SLC71A2: variants seen among roughly 807,000 people sequenced by gnomAD.
SLC71A2 encodes hippocampus abundant transcript-like 1.
At chr9:94,399,875 G>T in the SLC71A2 span, among the ~76,000 whole-genome samples, 2 of 150,830 alleles carry the variant, frequency 1.3e-5, no homozygotes, top group African/African-American at 4.9e-5. Flanking sequence ...GTGCGATCTC[G>T]GCTCACTACA....
chr9:94,440,190 G>C, the SLC71A2 span, among the ~76,000 whole-genome samples: 1 of 150,870 alleles, frequency 6.6e-6, no homozygotes, highest in Admixed American at 6.6e-5. Flanking sequence ...GTCTCTCTCT[G>C]TCGCCCAGGC....
chr9:94,398,608 C>T, the SLC71A2 span, among the ~76,000 whole-genome samples: 1 of 151,488 alleles, frequency 6.6e-6, no homozygotes, highest in Non-Finnish European at 1.5e-5. Context: ...TTGGGAGTTC[C>T]TTCACACCCC....
At chr9:94,424,664 A>G in the SLC71A2 span, among the ~76,000 whole-genome samples, 5 of 151,224 alleles carry the variant, frequency 3.3e-5, no homozygotes, top group East Asian at 9.7e-4. Context: ...ATCTGCTAAG[A>G]ATTTTTATTA....
the SLC71A2 span, among the ~76,000 whole-genome samples, chr9:94,442,542 C>T: frequency 6.6e-6 from 1 of 152,088 alleles, no homozygotes; most frequent in Non-Finnish European, 1.5e-5. Flanking sequence ...ATTTGGAGCT[C>T]ACTCAGGAAC....
At chr9:94,376,449 G>A in the SLC71A2 span, among the ~76,000 whole-genome samples, 3 of 151,944 alleles carry the variant, frequency 2.0e-5, no homozygotes, top group Non-Finnish European at 2.9e-5. Flanking sequence ...ACGTGGCTGA[G>A]TAGTGTGTTC....
the SLC71A2 span, among the ~76,000 whole-genome samples, chr9:94,398,043 A>G: frequency 0.69 from 103,175 of 149,716 alleles, 35,947 homozygotes; most frequent in Middle Eastern, 0.76. Flanking sequence ...AAATTATTTG[A>G]AATTCCTCTG....
chr9:94,407,081 GA>G, the SLC71A2 span, among the ~76,000 whole-genome samples: 2 of 151,030 alleles, frequency 1.3e-5, no homozygotes, highest in East Asian at 3.9e-4. Flanking sequence ...TATTATTTGA[GA>G]TAATTTTATT....
At chr9:94,459,284 A>G in the SLC71A2 span, 1 of 1,614,200 alleles carries the variant, frequency 6.2e-7, no homozygotes, top group Non-Finnish European at 8.5e-7. Flanking sequence ...CAGTAACAGC[A>G]GCAGCGGCAG....
the SLC71A2 span, among the ~76,000 whole-genome samples, chr9:94,441,384 A>C: frequency 3.3e-5 from 5 of 152,152 alleles, no homozygotes; most frequent in African/African-American, 1.2e-4. Context: ...CAGGAGGAAG[A>C]GAGAGTGAAG....
chr9:94,458,497 C>A, the SLC71A2 span: 1 of 1,604,846 alleles, frequency 6.2e-7, no homozygotes, highest in Non-Finnish European at 8.5e-7. Context: ...TTTGTAACAA[C>A]AATTATGTAT....
At chr9:94,394,736 A>G in the SLC71A2 span, among the ~76,000 whole-genome samples, 1 of 87,694 alleles carries the variant, frequency 1.1e-5, no homozygotes, top group African/African-American at 3.6e-5. Context: ...TCTGGCCCAG[A>G]TAAGTAATTT....
chr9:94,401,286 C>T, the SLC71A2 span, among the ~76,000 whole-genome samples: 1 of 152,126 alleles, frequency 6.6e-6, no homozygotes, highest in Admixed American at 6.5e-5. Flanking sequence ...TTTCTCCTGC[C>T]TCAGCCTCCC....
At chr9:94,382,488 A>G in the SLC71A2 span, among the ~76,000 whole-genome samples, 5 of 152,016 alleles carry the variant, frequency 3.3e-5, no homozygotes, top group African/African-American at 7.3e-5. Flanking sequence ...ATGATTTGCA[A>G]ATACATTCTC....
At chr9:94,397,164 A>T in the SLC71A2 span, among the ~76,000 whole-genome samples, 7 of 152,332 alleles carry the variant, frequency 4.6e-5, no homozygotes, top group Admixed American at 4.6e-4. Flanking sequence ...TTAAAATAAA[A>T]CTTTTTTATA....
chr9:94,443,736 GCC>G, the SLC71A2 span, among the ~76,000 whole-genome samples: 2 of 152,152 alleles, frequency 1.3e-5, no homozygotes, highest in Non-Finnish European at 2.9e-5. Context: ...CTGCAGCAGT[GCC>G]CCCTTAACAC....
the SLC71A2 span, among the ~76,000 whole-genome samples, chr9:94,386,557 A>G: frequency 7.9e-5 from 12 of 152,042 alleles, no homozygotes; most frequent in Non-Finnish European, 2.9e-5. Flanking sequence ...GAATTCTTGA[A>G]GTGGATCTTC....
At chr9:94,408,140 A>C in the SLC71A2 span, among the ~76,000 whole-genome samples, 950 of 152,340 alleles carry the variant, frequency 6.2e-3, 8 homozygotes, top group African/African-American at 0.021. Flanking sequence ...GGTTGAACTT[A>C]AGATTTTTCA....
chr9:94,449,135 A>T, the SLC71A2 span, among the ~76,000 whole-genome samples: 1 of 152,222 alleles, frequency 6.6e-6, no homozygotes, highest in Non-Finnish European at 1.5e-5. Context: ...ACATCTCTTT[A>T]TGTAGGTAAT....
chr9:94,379,956 A>G, the SLC71A2 span, among the ~76,000 whole-genome samples: 1 of 152,262 alleles, frequency 6.6e-6, no homozygotes, highest in African/African-American at 2.4e-5. Context: ...TTATTACCCT[A>G]TGGAAGCATT....
Sources: gnomAD v4.1 joint callset for allele counts (sites outside exome capture counted in the v4.1 genomes callset) on GRCh38, gnomAD v4.1.1 for gene constraint, MANE v1.5 for transcripts, NCBI Gene and HGNC (gene_info 2026-07-23, HGNC 2026-07-21) for gene names.